The following MORC1 variants were observed in gnomAD, a reference collection of about 807,000 sequenced individuals.
The protein encoded by MORC1 is MORC family CW-type zinc finger protein 1.
MORC1 carries 59 observed loss-of-function variants against 134.9 expected under a neutral mutation model. The observed-to-expected ratio is 0.44, with a 90% CI of 0.35 to 0.54. The LOEUF (loss-of-function observed/expected upper bound fraction) is 0.54. MORC1 is among the 20% of genes least tolerant of loss of function. The pLI, the probability that MORC1 is intolerant of heterozygous loss-of-function variation, is 0.00. For missense variants in MORC1, 947 were observed against 1,134.5 expected, an observed-to-expected ratio of 0.83 and a Z score of 2.37; for synonymous variants, 395 against 391.7, an observed-to-expected ratio of 1.01 and a Z score of -0.10.
chr3:109,091,073 G>A (rs914762397), intron 8 of MORC1, among the ~76,000 whole-genome samples: 1 of 152,058 alleles, frequency 6.6e-6, no homozygotes, highest in Non-Finnish European at 1.5e-5. Context: ...GGATATTAAT[G>A]TTAGAACCCA....
At chr3:109,103,553 A>T (rs1169332008) in intron 4 of MORC1, among the ~76,000 whole-genome samples, 2 of 152,300 alleles carry the variant, frequency 1.3e-5, no homozygotes, top group Admixed American at 6.5e-5. Flanking sequence ...CTATTCAGTG[A>T]CTATTTGTTT....
At chr3:108,981,652 A>ATACCT (rs1947725788) in intron 23 of MORC1, among the ~76,000 whole-genome samples, 1 of 152,214 alleles carries the variant, frequency 6.6e-6, no homozygotes, top group Non-Finnish European at 1.5e-5. Context: ...CCTACCTTAT[A>ATACCT]GAGTTGTACT....
At chr3:109,074,819 G>A (rs576384910) in intron 8 of MORC1, among the ~76,000 whole-genome samples, 5 of 152,132 alleles carry the variant, frequency 3.3e-5, no homozygotes, top group African/African-American at 1.2e-4. Flanking sequence ...GGAATTGTGG[G>A]GATTACTAAA....
At chr3:108,973,256 T>A (rs1305087187) in intron 24 of MORC1, among the ~76,000 whole-genome samples, 1 of 152,118 alleles carries the variant, frequency 6.6e-6, no homozygotes, top group Non-Finnish European at 1.5e-5. Context: ...AGGAACCCAA[T>A]ACAATCTTAC....
At chr3:109,009,734 C>A (rs1415579845) in intron 17 of MORC1, among the ~76,000 whole-genome samples, 1 of 151,812 alleles carries the variant, frequency 6.6e-6, no homozygotes, top group Non-Finnish European at 1.5e-5. Context: ...TTTTTTTTTA[C>A]AGTGGAGTAA....
chr3:109,059,792 A>T lies in MORC1; in HGVS notation c.1031+14T>A. ...TACAGAGGATTCCTGCAAACAGAAA[A>T]CCTTGTGTCTTACCTTTGTTTCTCT... On this transcript the variant is annotated intron_variant, in intron 12 of 27. Coordinates refer to ENST00000232603, the MANE Select transcript of MORC1 (RefSeq NM_014429.4). 6.2e-7 allele frequency: 1 copy of T among 1,607,508 alleles called. No homozygotes were observed. The highest frequency in any genetic ancestry group is 1.3e-5 in the African/African-American group (1 of 74,680).
intron 3 of MORC1, among the ~76,000 whole-genome samples, chr3:109,107,044 T>G (rs1576752008): frequency 6.6e-6 from 1 of 152,190 alleles, no homozygotes; most frequent in African/African-American, 2.4e-5. Context: ...ACACTCCCCT[T>G]GAACAAATCT....
chr3:109,087,128 T>C (rs538616709), intron 8 of MORC1, among the ~76,000 whole-genome samples: 1 of 151,840 alleles, frequency 6.6e-6, no homozygotes, highest in Non-Finnish European at 1.5e-5. Flanking sequence ...TCCCACTCCA[T>C]CCTCTGCCCC....
At chr3:108,969,041 C>G (rs1365478228) in intron 26 of MORC1, among the ~76,000 whole-genome samples, 7 of 151,620 alleles carry the variant, frequency 4.6e-5, no homozygotes, top group Non-Finnish European at 4.4e-5. Context: ...CTGAAGGGCA[C>G]TCTGGACTCT....
intron 21 of MORC1, among the ~76,000 whole-genome samples, chr3:108,994,024 C>T (rs1948133857): frequency 6.6e-6 from 1 of 152,044 alleles, no homozygotes; most frequent in Non-Finnish European, 1.5e-5. Context: ...TCAGAGTGCA[C>T]TGATGCTTTT....
intron 23 of MORC1, among the ~76,000 whole-genome samples, chr3:108,984,388 C>T (rs143436942): frequency 3.4e-4 from 51 of 151,882 alleles, no homozygotes; most frequent in African/African-American, 1.2e-3. Flanking sequence ...AAAAAAAAAT[C>T]AGTTAATGAT....
In MORC1 at chr3:108,979,535, T is replaced by A. The variant is rs755998534; in HGVS notation, c.2457A>T (p.Arg819Ser). ...TTTACCTTAACTTAGACTTCAGTTT[T>A]CTCACTGTTTCCTTGACAGGTGTGC... ...SQSTPVKETV[R>S]KLKSKLREIL... Residue 819 changes from arginine (R) to serine (S), a missense_variant, in exon 24 of 28, where the codon AGA becomes AGT. Physicochemically the swap from Arg to Ser is moderately radical, Grantham distance 110. Transcript: ENST00000232603. 6.2e-7 allele frequency: 1 copy of A among 1,613,966 alleles called. No individual in the cohort carries two copies. Among genetic ancestry groups the A allele is most frequent in the Non-Finnish European group, 8.5e-7 (1 of 1,179,942 alleles).
At chr3:109,100,921 C>T (rs781161003) in intron 4 of MORC1, among the ~76,000 whole-genome samples, 1 of 152,098 alleles carries the variant, frequency 6.6e-6, no homozygotes, top group East Asian at 1.9e-4. Flanking sequence ...ATAGGTTATA[C>T]GGAAATACCG....
At chr3:109,040,461 A>AAAGGAAGG in intron 14 of MORC1, among the ~76,000 whole-genome samples, 3 of 148,998 alleles carry the variant, frequency 2.0e-5, no homozygotes, top group African/African-American at 7.4e-5. Context: ...AGAAAGAAAG[A>AAAGGAAGG]AAGAAAGAAA....
At chr3:109,002,786 A>G (rs1283331940) in intron 20 of MORC1, among the ~76,000 whole-genome samples, 1 of 152,110 alleles carries the variant, frequency 6.6e-6, no homozygotes, top group Non-Finnish European at 1.5e-5. Flanking sequence ...AAACTCTTCA[A>G]TGGTTTCCCA....
intron 17 of MORC1, among the ~76,000 whole-genome samples, 182 bp from the exon 18 acceptor site, chr3:109,007,273 G>A (rs1948562802): frequency 6.6e-6 from 1 of 152,188 alleles, no homozygotes; most frequent in Non-Finnish European, 1.5e-5. Flanking sequence ...GATTAGTAGT[G>A]ACAAGACAGT....
chr3:109,057,457 A>G lies in MORC1; in HGVS notation c.1061T>C (p.Leu354Pro). Residue 354 changes from leucine to proline, a missense_variant, in exon 13 of 28, where the codon CTG becomes CCG. Physicochemically the swap from Leu to Pro is moderately conservative, Grantham distance 98. Around this residue, in one of 3 missense-constraint regions of MORC1, gnomAD observed 722 missense variants for 817.0 expected, o/e 0.88. Coordinates refer to ENST00000232603, the MANE Select transcript of MORC1 (RefSeq NM_014429.4). ...GTTTTCTACGTTCACTCCATAGAAC[A>G]GGGAGAGCGTTCTTGCTGTTTTTAA... ...RELKTARTLSLFYGVNVENRS... is the reference protein window; with the variant it reads ...RELKTARTLSPFYGVNVENRS... 1 of 1,604,738 alleles carries G rather than the reference A, an allele frequency of 6.2e-7. No homozygotes were observed.
chr3:109,064,591 A>G (rs1249945671), intron 9 of MORC1, among the ~76,000 whole-genome samples: 1 of 152,174 alleles, frequency 6.6e-6, no homozygotes, highest in Non-Finnish European at 1.5e-5. Flanking sequence ...GTTGAAAAAA[A>G]AACACACTTC....
intron 14 of MORC1, chr3:109,049,249 A>T (rs79546632): frequency 6.8e-6 from 3 of 443,112 alleles, no homozygotes; most frequent in Non-Finnish European, 8.9e-6. Context: ...AGCTACATCC[A>T]GGTACTACAG....
Sources: allele counts gnomAD v4.1 joint callset (sites outside exome capture counted in the v4.1 genomes callset), GRCh38; gene constraint gnomAD v4.1.1; regional missense constraint gnomAD v4.1.1; transcripts MANE v1.5; gene names NCBI Gene and HGNC (gene_info 2026-07-23, HGNC 2026-07-21).